The following PRMT1 variants were observed in gnomAD, a reference collection of about 807,000 sequenced individuals.
PRMT1 encodes the protein protein arginine N-methyltransferase 1.
PRMT1 carries 5 observed loss-of-function variants against 47.4 expected under a neutral mutation model. The ratio of observed to expected loss-of-function variants is 0.11; its 90% CI spans 0.06 to 0.22. The LOEUF is 0.22. Ranked by LOEUF, PRMT1 falls within the 10% of genes least tolerant of loss-of-function variation. The pLI is 1.00. For missense variants in PRMT1, 249 were observed against 518.4 expected (o/e 0.48, Z 5.05); for synonymous variants, 227 against 204.6 (o/e 1.11, Z -0.94).
intron 5 of PRMT1, among the ~76,000 whole-genome samples, chr19:49,683,091 A>G (rs968440768): frequency 2.2e-5 from 3 of 137,602 alleles, no homozygotes; most frequent in Non-Finnish European, 3.2e-5. Flanking sequence ...TTTTTTTTGT[A>G]TTTTTTTAGT....
chr19:49,685,579 A>G lies in PRMT1; in HGVS notation c.760-514A>G, dbSNP rs1599949307. ...AAAATACGGCGATGAGTATTTGTTG[A>G]GCTGGGATGTGTGAGCCGGGTGAAG... On this transcript the variant is annotated intron_variant, in intron 8 of 10. Transcript: ENST00000454376. This position sits in a 1 kb window ranked among gnomAD's most constrained non-coding sequence, Gnocchi z 4.7. 2.0e-6 allele frequency: 2 copies of G among 1,014,670 alleles called. No homozygotes were observed. Among genetic ancestry groups the G allele is most frequent in the Non-Finnish European group, 2.4e-6 (2 of 849,546 alleles). 62.9% of individuals were successfully genotyped at this position (1,014,670 alleles called of 1,614,324 possible).
chr19:49,680,191 C>G lies in PRMT1; in HGVS notation c.90+266C>G. On this transcript the variant is annotated intron_variant, in intron 2 of 10. Coordinates refer to ENST00000454376, the MANE Select transcript of PRMT1 (RefSeq NM_001536.6). This position sits in a 1 kb window ranked among gnomAD's most constrained non-coding sequence, Gnocchi z 4.2. ...CCCCATTTTCCTTCCCCTCCCCTCC[C>G]CAGCTGTGGGCTGAGCTAGAGACGG... is the stretch of plus-strand genomic sequence containing the variant. 1 of 1,594,380 alleles carries G rather than the reference C, an allele frequency of 6.3e-7. No homozygotes were observed. Among genetic ancestry groups the G allele is most frequent in the Non-Finnish European group, 8.6e-7 (1 of 1,168,712 alleles).
In PRMT1 at chr19:49,681,154, A is replaced by AT. The variant is rs1171487121; in HGVS notation, c.192+567dup. 5.3e-5 allele frequency among the ~76,000 whole-genome samples: 8 copies of AT among 152,108 alleles called. No individual in the cohort carries two copies. The highest frequency in any genetic ancestry group is 1.9e-4 in the African/African-American group (8 of 41,426). ...AGCCTCGACCTCCCCGGCTCAGGTG[A>AT]TCCCCCCACTTCCACTTTCGGAGTA... On this transcript the variant is annotated intron_variant, in intron 3 of 10. Transcript: ENST00000454376. The surrounding 1 kb of genome is among the most constrained non-coding windows in gnomAD (Gnocchi z 4.4).
At position 49,685,838 on chromosome 19, in the gene PRMT1, GAGTT is replaced by G. The variant is rs142740130; in HGVS notation, c.760-252_760-249del. ...GCCTGCATTCTAGGAGGTCTGGACA[GAGTT>G]AGGGTGGCACTGCCAGGTTTGGGTG... On this transcript the variant is annotated intron_variant, in intron 8 of 10. Transcript: ENST00000454376. This position sits in a 1 kb window ranked among gnomAD's most constrained non-coding sequence, Gnocchi z 4.7. 8 of 1,348,600 alleles carry G rather than the reference GAGTT, an allele frequency of 5.9e-6. No homozygotes were observed. The African/African-American group carries it at 8.8e-5, about 15-fold the overall frequency. 83.5% of individuals were successfully genotyped at this position (1,348,600 alleles called of 1,614,324 possible). A position where few individuals can be genotyped will look rare whatever the true frequency, so the allele number is the denominator to read the frequency against.
Position 49,684,935 on chromosome 19 carries a change from G to A in PRMT1, c.657G>A (p.Val219=). Residue 219 remains valine (V), a synonymous_variant, in exon 8 of 11, where the codon GTG becomes GTA. Coordinates refer to ENST00000454376, the MANE Select transcript of PRMT1 (RefSeq NM_001536.6). The surrounding 1 kb of genome is among the most constrained non-coding windows in gnomAD (Gnocchi z 6.2). ...KDYKIHWWEN[V]YGFDMSCIKD... is the part of the protein sequence containing the mutation. ...CTGCCTCCCCAGGGTGGGAGAACGTGTATGGCTTCGACATGTCTTGCATCA... is the reference window on the plus strand; with the variant it reads ...CTGCCTCCCCAGGGTGGGAGAACGTATATGGCTTCGACATGTCTTGCATCA... 1 of 1,600,578 alleles carries A rather than the reference G, an allele frequency of 6.2e-7. No homozygotes were observed. The highest frequency in any genetic ancestry group is 8.5e-7 in the Non-Finnish European group (1 of 1,170,840).
chr19:49,687,974 G>T (rs1418214978), intron 10 of PRMT1, 188 bp from the exon 11 acceptor site: 3 of 638,720 alleles, frequency 4.7e-6, no homozygotes, highest in Non-Finnish European at 8.6e-6. Context: ...GGGCTTGGGG[G>T]TGTCCATGTG....
At chr19:49,679,970 T>G (rs1842204114) in intron 2 of PRMT1, 45 bp downstream of exon 2, 2 of 1,544,218 alleles carry the variant, frequency 1.3e-6, no homozygotes, top group Non-Finnish European at 1.8e-6. Flanking sequence ...GACCTCCACA[T>G]CAATATATCT....
rs1019177791 is a variant in PRMT1 at position 49,684,434 on chromosome 19, G to A, written c.556-320G>A. Among the ~76,000 whole-genome samples, 12 of 152,198 alleles carry A rather than the reference G, an allele frequency of 7.9e-5. No homozygotes were observed. Among genetic ancestry groups the A allele is most frequent in the East Asian group, 7.8e-4 (4 of 5,152 alleles). ...CCCGTGTGGAAGGAGGGTCTAGAAC[G>A]GCAGCAGGAGGAGGAGTGGAGGTGA... On this transcript the variant is annotated intron_variant, in intron 6 of 10. Coordinates refer to ENST00000454376, the MANE Select transcript of PRMT1 (RefSeq NM_001536.6). The surrounding 1 kb of genome is among the most constrained non-coding windows in gnomAD (Gnocchi z 6.2).
chr19:49,684,105 G>T lies in PRMT1; in HGVS notation c.555+36G>T, dbSNP rs2082167408. ...AGCGGGACGGGTGCAGCTCGCGTGG[G>T]CTGGGGTCCAGGTAGAAGACGAAAA... is the stretch of plus-strand genomic sequence containing the variant. On this transcript the variant is annotated intron_variant, in intron 6 of 10. Transcript: ENST00000454376. The surrounding 1 kb of genome is among the most constrained non-coding windows in gnomAD (Gnocchi z 6.2). 1 of 1,611,666 alleles carries T rather than the reference G, an allele frequency of 6.2e-7. No homozygotes were observed. Among genetic ancestry groups the T allele is most frequent in the Non-Finnish European group, 8.5e-7 (1 of 1,178,218 alleles).
chr19:49,685,654 G>C lies in PRMT1; in HGVS notation c.760-439G>C. ...GTCGGGGAGGAGTAAGTTGTTGAGT[G>C]GGGGAGGAGAGGAGACTACAGGGGC... On this transcript the variant is annotated intron_variant, in intron 8 of 10. Transcript: ENST00000454376. This position sits in a 1 kb window ranked among gnomAD's most constrained non-coding sequence, Gnocchi z 4.7. 2 of 1,024,858 alleles carry C rather than the reference G, an allele frequency of 2.0e-6. No individual in the cohort carries two copies. The highest frequency in any genetic ancestry group is 3.7e-5 in the South Asian group (1 of 26,688). 63.5% of individuals were successfully genotyped at this position (1,024,858 alleles called of 1,614,324 possible).
At chr19:49,679,592 A>G in intron 1 of PRMT1, 2 of 687,464 alleles carry the variant, frequency 2.9e-6, no homozygotes, top group East Asian at 2.8e-5. Context: ...TGGATGGGGG[A>G]GGTGTGTGGT....
At chr19:49,683,611 C>G (rs1244754799) in intron 5 of PRMT1, 1 of 230,992 alleles carries the variant, frequency 4.3e-6, no homozygotes, top group African/African-American at 2.3e-5. Context: ...TGGCGTGAAC[C>G]CGGGAGGCGG....
chr19:49,677,537 C>T, intron 1 of PRMT1: 2 of 403,654 alleles, frequency 5.0e-6, no homozygotes, highest in African/African-American at 2.0e-5. Flanking sequence ...TCTTATCCCC[C>T]CTCCCACGTG....
rs777989167 is a variant in PRMT1 at position 49,682,051 on chromosome 19, C to T, written c.334C>T (p.Arg112Cys). The change falls in exon 4 of 11, where the codon CGC becomes TGC. Residue 112 changes from arginine (R) to cysteine (C), a missense_variant. Arg to Cys is a radical substitution (Grantham distance 180). Coordinates refer to ENST00000454376, the MANE Select transcript of PRMT1 (RefSeq NM_001536.6). Reference sequence around the variant, plus strand: ...CATGTTTGCTGCCAAGGCCGGGGCCCGCAAGGTCATCGGGGTGAGTCTCCA... The same window carrying T: ...CATGTTTGCTGCCAAGGCCGGGGCCTGCAAGGTCATCGGGGTGAGTCTCCA... ...LCMFAAKAGA[R>C]KVIGIECSSI... 63 of 1,613,986 alleles carry T rather than the reference C, an allele frequency of 3.9e-5. No homozygotes were observed. Among genetic ancestry groups the T allele is most frequent in the Non-Finnish European group, 1.4e-5 (17 of 1,180,018 alleles).
rs756198179 is a variant in PRMT1, at chr19:49,686,059, C to T, written c.760-34C>T. The T allele has an allele frequency of 3.3e-5, 53 of 1,596,592 alleles. No homozygotes were observed. In the Middle Eastern group the frequency reaches 5.7e-4, roughly 17 times the overall value. ...AGGAGGGGATGAAGCGAGGTGGGGACGCATCCCGGAGCTCGCCCTCTCATG... is the reference window on the plus strand; with the variant it reads ...AGGAGGGGATGAAGCGAGGTGGGGATGCATCCCGGAGCTCGCCCTCTCATG... On this transcript the variant is annotated intron_variant, in intron 8 of 10. Transcript: ENST00000454376.
rs2082089783 is a variant in PRMT1, at chr19:49,679,855, C to T, written c.37-17C>T. ...ACTCCCAGTAGCTAATCCTTTTTCC[C>T]TGTTACTCTCTCCTAGAATTTTGTA... On this transcript the variant is annotated splice_polypyrimidine_tract_variant and intron_variant, in intron 1 of 10. Coordinates refer to ENST00000454376, the MANE Select transcript of PRMT1 (RefSeq NM_001536.6). The T allele has an allele frequency of 6.2e-7, 1 of 1,607,832 alleles. No individual in the cohort carries two copies. Among genetic ancestry groups the T allele is most frequent in the Non-Finnish European group, 8.5e-7 (1 of 1,175,192 alleles).
chr19:49,680,600 C>A lies in PRMT1; in HGVS notation c.192+12C>A, dbSNP rs1412828502. 1.3e-6 allele frequency: 2 copies of A among 1,594,500 alleles called. No homozygotes were observed. The highest frequency in any genetic ancestry group is 2.7e-5 in the African/African-American group (2 of 74,498). ...TTGGCATCCACGAGGTCAGTGGGGA[C>A]AGTCCCCAAGGCCCCAATCTTAGGG... On this transcript the variant is annotated intron_variant, in intron 3 of 10. Coordinates refer to ENST00000454376, the MANE Select transcript of PRMT1 (RefSeq NM_001536.6). The surrounding 1 kb of genome is among the most constrained non-coding windows in gnomAD (Gnocchi z 4.2).
At position 49,686,684 on chromosome 19, in the gene PRMT1, G is replaced by C; in HGVS notation, c.990G>C (p.Glu330Asp). ...EDYLTVKTGEEIFGTIGMRPN... is the reference protein window; with the variant it reads ...EDYLTVKTGEDIFGTIGMRPN... ...ACCTGACCGTGAAGACGGGCGAGGA[G>C]ATCTTCGGCACCATCGGCATGCGGC... The change falls in exon 10 of 11, where the codon GAG becomes GAC. Residue 330 changes from glutamate to aspartate, a missense_variant. Physicochemically the swap from Glu to Asp is conservative, Grantham distance 45 (BLOSUM62 2). Coordinates refer to ENST00000454376, the MANE Select transcript of PRMT1 (RefSeq NM_001536.6). 1 of 1,611,220 alleles carries C rather than the reference G, an allele frequency of 6.2e-7. No individual in the cohort carries two copies. Among genetic ancestry groups the C allele is most frequent in the Non-Finnish European group, 8.5e-7 (1 of 1,178,630 alleles).
intron 9 of PRMT1, 99 bp downstream of exon 9, chr19:49,686,342 G>A: frequency 7.0e-7 from 1 of 1,433,446 alleles, no homozygotes; most frequent in East Asian, 2.5e-5. Context: ...AAGGAACCAT[G>A]GGGACACGCG....
Sources: gnomAD v4.1 joint callset for allele counts (sites outside exome capture counted in the v4.1 genomes callset) on GRCh38, gnomAD v4.1.1 for gene constraint, Gnocchi (gnomAD v3.1) non-coding constraint, MANE v1.5 for transcripts, NCBI Gene and HGNC (gene_info 2026-07-23, HGNC 2026-07-21) for gene names.